The following ABCA12 variants were observed in gnomAD, a reference collection of about 807,000 sequenced individuals.
ABCA12 encodes ATP binding cassette subfamily A member 12, also known as glucosylceramide transporter ABCA12.
ABCA12 carries 156 observed loss-of-function variants against 293.5 expected under a neutral mutation model. That is an observed-to-expected ratio of 0.53 (90% CI 0.47 to 0.61). The LOEUF (loss-of-function observed/expected upper bound fraction) is 0.61. ABCA12 is among the 20% of genes least tolerant of loss of function. ABCA12 has a pLI of 0.00. For missense variants in ABCA12, 2,797 were observed against 3,090.2 expected, an observed-to-expected ratio of 0.91 and a Z score of 2.25; for synonymous variants, 1,063 against 1,108.0, an observed-to-expected ratio of 0.96 and a Z score of 0.81.
chr2:215,018,648 A>G (rs1700558226), intron 13 of ABCA12, among the ~76,000 whole-genome samples: 1 of 152,216 alleles, frequency 6.6e-6, no homozygotes, highest in African/African-American at 2.4e-5. Flanking sequence ...AACGTGTTTA[A>G]CTTCAAACTC....
intron 3 of ABCA12, among the ~76,000 whole-genome samples, chr2:215,060,739 C>T (rs1313180007): frequency 6.6e-6 from 1 of 152,008 alleles, no homozygotes; most frequent in Non-Finnish European, 1.5e-5. Context: ...TCTTACACTC[C>T]TAATAATATC....
intron 23 of ABCA12, among the ~76,000 whole-genome samples, chr2:214,991,560 G>T (rs1699912640): frequency 6.6e-6 from 1 of 151,968 alleles, no homozygotes; most frequent in East Asian, 1.9e-4. Flanking sequence ...TGATTCCTAA[G>T]AATTTAAAAC....
At chr2:214,944,907 G>A in intron 49 of ABCA12, 94 bp downstream of exon 49, 3 of 842,824 alleles carry the variant, frequency 3.6e-6, no homozygotes, top group Non-Finnish European at 5.9e-6. Context: ...ATATATGTAT[G>A]TGTATATATT....
At chr2:215,029,862 ATAAAAATAATGAC>A (rs1700835136) in intron 9 of ABCA12, among the ~76,000 whole-genome samples, 1 of 152,228 alleles carries the variant, frequency 6.6e-6, no homozygotes, top group Non-Finnish European at 1.5e-5. Context: ...ACACAAAATG[ATAAAAATAATGAC>A]TTTAGAACAA....
intron 1 of ABCA12, among the ~76,000 whole-genome samples, chr2:215,135,754 A>G (rs1259812767): frequency 6.6e-6 from 1 of 151,562 alleles, no homozygotes; most frequent in Non-Finnish European, 1.5e-5. Flanking sequence ...AATTTTTTTC[A>G]TTTTATCCCC....
chr2:214,953,238 A>G (rs1358956324), intron 44 of ABCA12, among the ~76,000 whole-genome samples: 1 of 152,210 alleles, frequency 6.6e-6, no homozygotes, highest in Non-Finnish European at 1.5e-5. Flanking sequence ...ATCTATGTAT[A>G]TAATTAAACT....
intron 23 of ABCA12, among the ~76,000 whole-genome samples, chr2:214,993,615 C>A (rs1284581885): frequency 6.6e-6 from 1 of 152,144 alleles, no homozygotes; most frequent in Non-Finnish European, 1.5e-5. Context: ...TACTACTTCC[C>A]AAGCTGATAT....
Position 215,111,686 on chromosome 2 carries a change from C to G in ABCA12, c.74G>C (p.Trp25Ser). 6.2e-7 allele frequency: 1 copy of G among 1,611,780 alleles called. No homozygotes were observed. The highest frequency in any genetic ancestry group is 2.2e-5 in the East Asian group (1 of 44,698). Residue 25 changes from tryptophan (W) to serine (S), a missense_variant, in exon 2 of 53, where the codon TGG (tryptophan) becomes TCG (serine). Physicochemically the swap from Trp to Ser is radical, Grantham distance 177. Transcript: ENST00000272895. Reference protein sequence around the residue: ...NWLGVKRQPLWTLVLILWPVI... With the variant: ...NWLGVKRQPLSTLVLILWPVI... ...TGGCCATAAGATCAAGACAAGTGTC[C>G]AAAGCTGCAAAATAATGGTAGAAAA...
chr2:215,060,029 C>T (rs988390298), intron 3 of ABCA12, among the ~76,000 whole-genome samples: 5 of 152,058 alleles, frequency 3.3e-5, no homozygotes, highest in African/African-American at 1.2e-4. Flanking sequence ...CATCTGCCCA[C>T]CCACACTTAT....
chr2:215,013,485 A>G (rs949093559), intron 15 of ABCA12: 1 of 153,758 alleles, frequency 6.5e-6, no homozygotes, highest in Middle Eastern at 7.2e-4. Context: ...GGTTACCTCA[A>G]TAGCAGAGCT....
chr2:215,077,682 G>A (rs1050393205), intron 2 of ABCA12, among the ~76,000 whole-genome samples: 1 of 151,958 alleles, frequency 6.6e-6, no homozygotes, highest in Admixed American at 6.6e-5. Context: ...TTTGGTTGTT[G>A]GCAAACATGT....
At chr2:215,104,780 C>T (rs535013931) in intron 2 of ABCA12, among the ~76,000 whole-genome samples, 2 of 152,274 alleles carry the variant, frequency 1.3e-5, no homozygotes, top group Non-Finnish European at 2.9e-5. Flanking sequence ...AAAATCTCTC[C>T]TACATATTTG....
intron 15 of ABCA12, among the ~76,000 whole-genome samples, chr2:215,014,903 T>C (rs1010763877): frequency 6.6e-6 from 1 of 152,216 alleles, no homozygotes; most frequent in African/African-American, 2.4e-5. Flanking sequence ...TATGTTTATA[T>C]TTTTCTTTCG....
Position 214,982,296 on chromosome 2 carries a change from G to C in ABCA12, c.4470C>G (p.Ser1490=). The change falls in exon 30 of 53, where the codon TCC becomes TCG. Residue 1490 remains serine, a synonymous_variant. Coordinates refer to ENST00000272895, the MANE Select transcript of ABCA12 (RefSeq NM_173076.3). ...SGGMKRKLSI[S]IALIGGSRVV... ...CCCTTGATCCACCAATGAGAGCTAT[G>C]GATATAGATAACTTCCTCTTCATGC... The C allele has an allele frequency of 6.2e-7, 1 of 1,614,056 alleles. No homozygotes were observed. Among genetic ancestry groups the C allele is most frequent in the Non-Finnish European group, 8.5e-7 (1 of 1,179,984 alleles).
chr2:215,103,690 C>T (rs78599216), intron 2 of ABCA12, among the ~76,000 whole-genome samples: 5,593 of 152,160 alleles, frequency 0.037, 336 homozygotes, highest in African/African-American at 0.13. Context: ...AATATAGTAT[C>T]ATAAATAATA....
chr2:214,960,540 A>G (rs1317243797), intron 39 of ABCA12: 2 of 152,150 alleles, frequency 1.3e-5, no homozygotes, highest in Non-Finnish European at 2.9e-5. Context: ...TATCATAATT[A>G]TCTCTGTAGG....
Position 215,000,832 on chromosome 2 carries a change from C to T in ABCA12, c.3052G>A (p.Gly1018Ser). ...TCCTGTAAATAAATAAAAGCCCTGC[C>T]ATAGATCTGGTTGTGTGATGGAGAA... ...HNSPSHNQIY[G>S]RAFIYLQDSI... Residue 1018 changes from glycine to serine, a missense_variant, in exon 22 of 53, where the codon GGC becomes AGC. Around this residue, in one of 3 missense-constraint regions of ABCA12, gnomAD observed 2,130 missense variants for 2,427.0 expected, o/e 0.88. Coordinates refer to ENST00000272895, the MANE Select transcript of ABCA12 (RefSeq NM_173076.3). The T allele has an allele frequency of 6.2e-7, 1 of 1,614,086 alleles. No homozygotes were observed. Among genetic ancestry groups the T allele is most frequent in the Middle Eastern group, 1.6e-4 (1 of 6,062 alleles).
At chr2:215,055,473 A>G (rs1559169964) in intron 3 of ABCA12, among the ~76,000 whole-genome samples, 1 of 152,084 alleles carries the variant, frequency 6.6e-6, no homozygotes. Context: ...ATAAGTATGT[A>G]TGTTTCAAAA....
chr2:215,035,528 G>A (rs1700972814), intron 8 of ABCA12, among the ~76,000 whole-genome samples: 1 of 151,766 alleles, frequency 6.6e-6, no homozygotes, highest in African/African-American at 2.4e-5. Context: ...AAGTAGCCGG[G>A]CGTGGTAGGC....
Sources: allele counts gnomAD v4.1 joint callset (sites outside exome capture counted in the v4.1 genomes callset), GRCh38; gene constraint gnomAD v4.1.1; regional missense constraint gnomAD v4.1.1; transcripts MANE v1.5; gene names NCBI Gene and HGNC (gene_info 2026-07-23, HGNC 2026-07-21).